The following PRKAR1B variants were observed in gnomAD, a reference collection of about 807,000 sequenced individuals.
PRKAR1B encodes the protein protein kinase cAMP-dependent type I regulatory subunit beta.
A neutral mutation model predicts 46.5 loss-of-function variants in PRKAR1B; 22 were observed. The observed-to-expected ratio is 0.47, with a 90% confidence interval of 0.34 to 0.68. The LOEUF is 0.68. Among genes scored for constraint, PRKAR1B ranks in the 30% least tolerant of loss-of-function variants. The probability of loss-of-function intolerance (pLI) is 0.01; values close to 1 mark genes in which losing one functional copy is unlikely to be tolerated. For synonymous variants in PRKAR1B, 259 were observed against 217.7 expected, an observed-to-expected ratio of 1.19 and a Z score of -1.67; for missense variants, 445 against 535.6, an observed-to-expected ratio of 0.83 and a Z score of 1.67.
At chr7:627,697 C>T (rs989927398) in intron 4 of PRKAR1B, among the ~76,000 whole-genome samples, 9 of 152,054 alleles carry the variant, frequency 5.9e-5, no homozygotes, top group African/African-American at 1.2e-4. Context: ...GGGGCTCGGG[C>T]GCTCTCCATC....
At chr7:635,988 T>A (rs62432172) in intron 4 of PRKAR1B, among the ~76,000 whole-genome samples, 22,286 of 45,054 alleles carry the variant, frequency 0.49, 4,470 homozygotes, top group South Asian at 0.56. Context: ...GGCCGCGCCC[T>A]CACGTCCTCC....
chr7:683,034 C>T (rs1778783191), intron 2 of PRKAR1B, among the ~76,000 whole-genome samples: 5 of 152,204 alleles, frequency 3.3e-5, no homozygotes, highest in Admixed American at 2.0e-4. Context: ...AAAAAGATGG[C>T]GGCCCTATCA....
intron 2 of PRKAR1B, among the ~76,000 whole-genome samples, chr7:710,855 G>A (rs566665433): frequency 4.4e-4 from 67 of 152,158 alleles, no homozygotes; most frequent in Non-Finnish European, 6.5e-4. Context: ...TGTTGGCCAG[G>A]CTGGTCTCGA....
chr7:640,087 C>T (rs1784309185), intron 4 of PRKAR1B, among the ~76,000 whole-genome samples: 1 of 150,500 alleles, frequency 6.6e-6, no homozygotes, highest in Admixed American at 6.6e-5. Flanking sequence ...CACTTAAACC[C>T]GGGAGGCGCA....
intron 4 of PRKAR1B, among the ~76,000 whole-genome samples, chr7:659,682 C>T (rs1020331154): frequency 5.9e-5 from 9 of 152,162 alleles, no homozygotes; most frequent in African/African-American, 9.7e-5. Context: ...CAGCTCTGCA[C>T]GTCCAGACGC....
At chr7:682,561 C>G (rs1178774510) in intron 2 of PRKAR1B, among the ~76,000 whole-genome samples, 2 of 151,814 alleles carry the variant, frequency 1.3e-5, no homozygotes, top group African/African-American at 4.8e-5. Flanking sequence ...TTGGCTAACA[C>G]GGTGAAACCC....
intron 8 of PRKAR1B, among the ~76,000 whole-genome samples, chr7:583,942 G>A (rs1173078018): frequency 6.6e-6 from 1 of 152,186 alleles, no homozygotes; most frequent in Non-Finnish European, 1.5e-5. Flanking sequence ...CTTCAGCAGC[G>A]TCTTTCCTGC....
chr7:656,645 GTGAA>G (rs974302081), intron 4 of PRKAR1B, among the ~76,000 whole-genome samples: 3 of 152,010 alleles, frequency 2.0e-5, no homozygotes, highest in African/African-American at 7.2e-5. Context: ...GAATGAATGA[GTGAA>G]TGGATGAATA....
chr7:553,804 GCAGCCCCTGT>G (rs1784395761), intron 9 of PRKAR1B, among the ~76,000 whole-genome samples: 1 of 152,238 alleles, frequency 6.6e-6, no homozygotes, highest in Non-Finnish European at 1.5e-5. Flanking sequence ...GCACCAACTG[GCAGCCCCTGT>G]GACAGCCAGA....
At chr7:641,996 G>A (rs1035931505) in intron 4 of PRKAR1B, among the ~76,000 whole-genome samples, 4 of 152,056 alleles carry the variant, frequency 2.6e-5, no homozygotes, top group South Asian at 2.1e-4. Flanking sequence ...TCAACCTCCC[G>A]GGTTCAAGGG....
intron 4 of PRKAR1B, among the ~76,000 whole-genome samples, chr7:668,114 G>T (rs186655077): frequency 2.8e-4 from 42 of 152,308 alleles, no homozygotes; most frequent in South Asian, 1.0e-3. Context: ...AGGCCAGCAG[G>T]TGTGCAAACC....
At chr7:589,236 G>C (rs1354968152) in intron 7 of PRKAR1B, among the ~76,000 whole-genome samples, 1 of 151,758 alleles carries the variant, frequency 6.6e-6, no homozygotes, top group East Asian at 1.9e-4. Flanking sequence ...TGTTCCGTGT[G>C]TCTCTGGCCT....
chr7:703,510 G>A (rs943689079), intron 2 of PRKAR1B, among the ~76,000 whole-genome samples: 1 of 152,044 alleles, frequency 6.6e-6, no homozygotes, highest in African/African-American at 2.4e-5. Flanking sequence ...CAAAAAATTA[G>A]CTGGGCGTGG....
chr7:675,979 A>G (rs893492033), intron 4 of PRKAR1B, among the ~76,000 whole-genome samples: 22 of 152,062 alleles, frequency 1.4e-4, no homozygotes, highest in African/African-American at 5.3e-4. Context: ...TAAAAAATGC[A>G]AACAGCCGCA....
intron 9 of PRKAR1B, among the ~76,000 whole-genome samples, chr7:570,977 G>A (rs567693187): frequency 1.1e-4 from 16 of 152,296 alleles, no homozygotes; most frequent in South Asian, 8.3e-4. Flanking sequence ...AACGCCAGCC[G>A]GAGAGAGGAC....
chr7:620,933 C>G (rs1005157124), intron 4 of PRKAR1B, among the ~76,000 whole-genome samples: 15 of 152,306 alleles, frequency 9.8e-5, no homozygotes, highest in Admixed American at 6.5e-4. Flanking sequence ...TGACCTTTAC[C>G]AAGTTAAGAA....
chr7:667,051 T>G lies in PRKAR1B; in HGVS notation c.440+10178A>C, dbSNP rs1051915880. Among the ~76,000 whole-genome samples the G allele has an allele frequency of 6.6e-6, 1 of 152,010 alleles. No homozygotes were observed. Among genetic ancestry groups the G allele is most frequent in the Non-Finnish European group, 1.5e-5 (1 of 67,998 alleles). On this transcript the variant is annotated intron_variant, in intron 4 of 10. Transcript: ENST00000537384. The surrounding 1 kb of genome is among the most constrained non-coding windows in gnomAD (Gnocchi z 4.3). ...ATGGTGATGATGATAATGATGGTGA[T>G]GATGACAGTGATGATGGTGATGGTG...
chr7:567,698 GA>G (rs1472815208), intron 9 of PRKAR1B, among the ~76,000 whole-genome samples: 10 of 152,332 alleles, frequency 6.6e-5, no homozygotes, highest in Admixed American at 5.9e-4. Flanking sequence ...CCTTGAAAAG[GA>G]AGGACATTCT....
In PRKAR1B at chr7:579,285, G is replaced by C; in HGVS notation, c.862C>G (p.Pro288Ala). 6.2e-7 allele frequency: 1 copy of C among 1,614,154 alleles called. No individual in the cohort carries two copies. The highest frequency in any genetic ancestry group is 8.5e-7 in the Non-Finnish European group (1 of 1,180,030). ...DGEKIVVQGE[P>A]GDDFYIITEG... ...GTGATGATGTAAAAGTCGTCCCCAG[G>C]CTCTCCCTGGACCACAATTTTCTCT... The change falls in exon 9 of 11, where the codon CCT (proline) becomes GCT (alanine). Residue 288 changes from proline to alanine, a missense_variant. This residue lies in a region of PRKAR1B where 51 missense variants were observed against 85.1 expected (regional missense o/e 0.60). Transcript: ENST00000537384.
Sources: gnomAD v4.1 joint callset for allele counts (sites outside exome capture counted in the v4.1 genomes callset) on GRCh38, gnomAD v4.1.1 for gene constraint, gnomAD v4.1.1 regional missense constraint, Gnocchi (gnomAD v3.1) non-coding constraint, MANE v1.5 for transcripts, NCBI Gene and HGNC (gene_info 2026-07-23, HGNC 2026-07-21) for gene names.